Variants in ADAMTSL1 observed in about 807,000 individuals in gnomAD.
ADAMTSL1 encodes ADAMTS like 1, also known as ADAMTS-like protein 1.
In ADAMTSL1, 126 loss-of-function variants were observed where a neutral mutation model predicts 201.8. The ratio of observed to expected loss-of-function variants is 0.62; its 90% CI spans 0.54 to 0.72. The LOEUF is 0.72. Among genes scored for constraint, ADAMTSL1 ranks in the 30% least tolerant of loss-of-function variants. ADAMTSL1 has a pLI of 0.00. For missense variants in ADAMTSL1, 2,679 were observed against 2,277.8 expected (o/e 1.18, Z -3.59); for synonymous variants, 1,121 against 903.4 (o/e 1.24, Z -4.32).
intron 1 of ADAMTSL1, among the ~76,000 whole-genome samples, chr9:18,497,282 T>G (rs932145586): frequency 6.6e-6 from 1 of 152,170 alleles, no homozygotes; most frequent in Non-Finnish European, 1.5e-5. Context: ...ATAAATGAAT[T>G]TTTTTAAATG....
At chr9:18,325,495 A>G (rs866977274) in intron 2 of ADAMTSL1, among the ~76,000 whole-genome samples, 6 of 152,322 alleles carry the variant, frequency 3.9e-5, no homozygotes, top group Middle Eastern at 3.4e-3. Flanking sequence ...ACAAAATAAG[A>G]TACACTATTG....
At chr9:18,715,033 T>G in intron 14 of ADAMTSL1, among the ~76,000 whole-genome samples, 1 of 42,688 alleles carries the variant, frequency 2.3e-5, no homozygotes, top group Non-Finnish European at 6.7e-5. Flanking sequence ...AAAAGGCCTT[T>G]GACAAAATTC....
chr9:18,495,125 T>C (rs1211308224), intron 1 of ADAMTSL1, among the ~76,000 whole-genome samples: 5 of 152,206 alleles, frequency 3.3e-5, no homozygotes, highest in Admixed American at 2.0e-4. Flanking sequence ...TGATGTCTGA[T>C]TAATTATAAA....
At chr9:18,222,665 ATTCCTTTTTTCT>A (rs1830307832) in intron 2 of ADAMTSL1, among the ~76,000 whole-genome samples, 1 of 95,156 alleles carries the variant, frequency 1.1e-5, no homozygotes, top group African/African-American at 4.0e-5. Context: ...TTTTTTTGCC[ATTCCTTTTTTCT>A]TTTTAAACCT....
At chr9:18,650,004 C>T (rs1307737554) in intron 7 of ADAMTSL1, among the ~76,000 whole-genome samples, 1 of 152,208 alleles carries the variant, frequency 6.6e-6, no homozygotes, top group Admixed American at 6.5e-5. Context: ...GTGGAGCCTA[C>T]AGAGGCAGGC....
intron 20 of ADAMTSL1, among the ~76,000 whole-genome samples, chr9:18,816,288 G>A (rs918706090): frequency 6.6e-6 from 1 of 152,168 alleles, no homozygotes; most frequent in Non-Finnish European, 1.5e-5. Flanking sequence ...TCACCCTGGA[G>A]TGCAGTGGTG....
chr9:17,918,155 C>G (rs1826175137), intron 1 of ADAMTSL1, among the ~76,000 whole-genome samples: 2 of 151,432 alleles, frequency 1.3e-5, no homozygotes, highest in African/African-American at 2.4e-5. Context: ...TTCTATTTCA[C>G]TCATTTCCTC....
intron 2 of ADAMTSL1, among the ~76,000 whole-genome samples, chr9:18,435,872 C>G (rs941738648): frequency 2.0e-5 from 3 of 152,156 alleles, no homozygotes; most frequent in Non-Finnish European, 4.4e-5. Flanking sequence ...AAAGACCCGT[C>G]CCCATGAGTC....
chr9:18,341,090 C>A (rs192836947), intron 2 of ADAMTSL1, among the ~76,000 whole-genome samples: 44 of 152,240 alleles, frequency 2.9e-4, no homozygotes, highest in African/African-American at 9.6e-4. Context: ...CCTGGCTGAT[C>A]TGTCAGGAAC....
At chr9:18,115,627 A>G (rs1825217728) in intron 1 of ADAMTSL1, among the ~76,000 whole-genome samples, 1 of 152,186 alleles carries the variant, frequency 6.6e-6, no homozygotes, top group African/African-American at 2.4e-5. Flanking sequence ...CTTTATGAAT[A>G]TTAATTCACT....
intron 1 of ADAMTSL1, among the ~76,000 whole-genome samples, chr9:18,125,897 G>A (rs559903464): frequency 6.6e-6 from 1 of 152,278 alleles, no homozygotes; most frequent in East Asian, 1.9e-4. Flanking sequence ...AAAGGGCAGG[G>A]GCTCTGGAAT....
At chr9:17,982,992 G>A (rs962996195) in intron 1 of ADAMTSL1, among the ~76,000 whole-genome samples, 27 of 150,450 alleles carry the variant, frequency 1.8e-4, no homozygotes, top group Non-Finnish European at 3.3e-4. Context: ...TGGTTAGATT[G>A]GGGCTAGGCA....
At chr9:18,509,256 G>C (rs1229277099) in intron 2 of ADAMTSL1, among the ~76,000 whole-genome samples, 1 of 133,370 alleles carries the variant, frequency 7.5e-6, no homozygotes, top group African/African-American at 2.7e-5. Context: ...TCTGGGATAT[G>C]TGCTCAGCTT....
intron 19 of ADAMTSL1, among the ~76,000 whole-genome samples, chr9:18,793,881 C>G (rs1364961339): frequency 6.6e-6 from 1 of 152,060 alleles, no homozygotes; most frequent in Non-Finnish European, 1.5e-5. Context: ...TTCAAGTGAT[C>G]GTTAGTCATT....
chr9:18,490,584 G>C (rs921099311), intron 1 of ADAMTSL1, among the ~76,000 whole-genome samples: 1 of 152,124 alleles, frequency 6.6e-6, no homozygotes, highest in Non-Finnish European at 1.5e-5. Context: ...GCAAGGAGAA[G>C]ACAACTCAAG....
At chr9:18,760,215 G>A (rs1819995155) in intron 16 of ADAMTSL1, among the ~76,000 whole-genome samples, 1 of 152,036 alleles carries the variant, frequency 6.6e-6, no homozygotes, top group Non-Finnish European at 1.5e-5. Context: ...TTCACGCTTT[G>A]TCAACATCTA....
At chr9:17,981,995 G>C (rs1563932111) in intron 1 of ADAMTSL1, among the ~76,000 whole-genome samples, 1 of 152,054 alleles carries the variant, frequency 6.6e-6, no homozygotes, top group African/African-American at 2.4e-5. Flanking sequence ...ATGCCTTTGG[G>C]GCAAAAATGG....
chr9:18,636,899 G>A lies in ADAMTSL1; in HGVS notation c.676+882G>A, dbSNP rs1388865685. Among the ~76,000 whole-genome samples, 5 of 152,088 alleles carry A rather than the reference G, an allele frequency of 3.3e-5. No individual in the cohort carries two copies. In the East Asian group the frequency reaches 9.6e-4, roughly 29 times the overall value. ...GTTTCCACAAAGCCATCTATCGTCTGTCCTTTCTCCCCTCCCACACAAATG... is the reference window on the plus strand; with the variant it reads ...GTTTCCACAAAGCCATCTATCGTCTATCCTTTCTCCCCTCCCACACAAATG... On this transcript the variant is annotated intron_variant, in intron 6 of 28. Coordinates refer to ENST00000380548, the MANE Select transcript of ADAMTSL1 (RefSeq NM_001040272.6).
At chr9:18,397,534 C>T (rs1817804233) in intron 2 of ADAMTSL1, among the ~76,000 whole-genome samples, 1 of 152,026 alleles carries the variant, frequency 6.6e-6, no homozygotes, top group Non-Finnish European at 1.5e-5. Context: ...TGAAAAGAGA[C>T]AGCAAGAAAA....
Sources: gnomAD v4.1 joint callset for allele counts (sites outside exome capture counted in the v4.1 genomes callset) on GRCh38, gnomAD v4.1.1 for gene constraint, MANE v1.5 for transcripts, NCBI Gene and HGNC (gene_info 2026-07-23, HGNC 2026-07-21) for gene names.